Variants in SEMA3D observed in about 807,000 individuals in gnomAD.
The protein encoded by SEMA3D is semaphorin 3D, also known as semaphorin-3D.
SEMA3D carries 84 observed loss-of-function variants against 100.1 expected under a neutral mutation model. That is an observed-to-expected ratio of 0.84 (90% CI 0.70 to 1.01). The LOEUF is 1.01. Ranked by LOEUF, SEMA3D falls within the 50% of genes least tolerant of loss-of-function variation. The probability of loss-of-function intolerance (pLI) is 0.00; values close to 1 mark genes in which losing one functional copy is unlikely to be tolerated. For synonymous variants in SEMA3D, 312 were observed against 320.7 expected (o/e 0.97, Z 0.29); for missense variants, 875 against 934.1 (o/e 0.94, Z 0.82).
chr7:85,011,686 A>G (rs981021658), intron 17 of SEMA3D, among the ~76,000 whole-genome samples: 1 of 151,804 alleles, frequency 6.6e-6, no homozygotes, highest in Non-Finnish European at 1.5e-5. Flanking sequence ...ATCGCACAGT[A>G]ATGATTGCTA....
intron 2 of SEMA3D, chr7:85,144,730 TATG>T (rs1790153448): frequency 1.1e-6 from 1 of 944,342 alleles, no homozygotes; most frequent in Non-Finnish European, 1.3e-6. Flanking sequence ...TTGCCTCTAG[TATG>T]ATATGTCTGA....
At chr7:85,197,943 T>C in the SEMA3D span, among the ~76,000 whole-genome samples, 3 of 152,142 alleles carry the variant, frequency 2.0e-5, no homozygotes, top group Admixed American at 6.5e-5. Flanking sequence ...GCAACAAAAA[T>C]AGATGTAACT....
chr7:85,130,499 A>G lies in SEMA3D; in HGVS notation c.-40-8568T>C, dbSNP rs573845199. Among the ~76,000 whole-genome samples the G allele has an allele frequency of 5.3e-5, 8 of 152,254 alleles. No homozygotes were observed. In the South Asian group the frequency reaches 1.4e-3, roughly 28 times the overall value. ...TTATAGAATAAGTTTGCACATGCTC[A>G]TTGTTGGGGCCTTCTGGCCCAGAAA... On this transcript the variant is annotated intron_variant, in intron 2 of 18. Transcript: ENST00000284136.
rs528682449 is a variant in SEMA3D at position 85,175,049 on chromosome 7, A to G, written c.-173+11629T>C. 3.9e-5 allele frequency among the ~76,000 whole-genome samples: 6 copies of G among 152,320 alleles called. No individual in the cohort carries two copies. In the East Asian group the frequency reaches 5.8e-4, roughly 15 times the overall value. ...TTCATGTACGATTATTGAATGTAAT[A>G]AAGGGTTGCAATTATACAAAAGAAT... On this transcript the variant is annotated intron_variant, in intron 1 of 18. Transcript: ENST00000284136.
At chr7:85,161,456 C>T (rs1790742045) in intron 1 of SEMA3D, among the ~76,000 whole-genome samples, 1 of 151,816 alleles carries the variant, frequency 6.6e-6, no homozygotes, top group Non-Finnish European at 1.5e-5. Context: ...ATTGTTCCTC[C>T]CTCCCCTGCT....
chr7:85,110,083 T>C (rs1332320334), intron 3 of SEMA3D, among the ~76,000 whole-genome samples: 4 of 151,980 alleles, frequency 2.6e-5, no homozygotes, highest in Admixed American at 1.3e-4. Context: ...TAGGAGAACA[T>C]AGATGATCAC....
intron 2 of SEMA3D, among the ~76,000 whole-genome samples, chr7:85,126,020 C>A (rs79849435): frequency 6.6e-6 from 1 of 151,928 alleles, no homozygotes; most frequent in Non-Finnish European, 1.5e-5. Context: ...AGATGTGGAG[C>A]CAATAGGGAG....
intron 12 of SEMA3D, chr7:85,027,972 C>A: frequency 6.9e-6 from 4 of 577,518 alleles, no homozygotes; most frequent in Admixed American, 4.2e-5. Flanking sequence ...GGATACCAAA[C>A]AATTGATTAG....
At chr7:85,166,538 A>G (rs769505678) in intron 1 of SEMA3D, among the ~76,000 whole-genome samples, 5 of 151,972 alleles carry the variant, frequency 3.3e-5, no homozygotes, top group Non-Finnish European at 7.4e-5. Context: ...CTAAGTTGTG[A>G]ACACATATTA....
chr7:85,081,686 G>A, intron 4 of SEMA3D, 107 bp from the exon 5 acceptor site: 1 of 736,566 alleles, frequency 1.4e-6, no homozygotes, highest in Non-Finnish European at 2.3e-6. Flanking sequence ...TGAGTATTAA[G>A]CATGTTGTTA....
chr7:85,189,498 T>C (rs774261586), upstream of SEMA3D, among the ~76,000 whole-genome samples: 11 of 152,164 alleles, frequency 7.2e-5, no homozygotes, highest in Non-Finnish European at 1.2e-4. Flanking sequence ...TACAAAAAGT[T>C]TTGCTAAAAT....
intron 12 of SEMA3D, chr7:85,027,912 A>G (rs1790434931): frequency 1.7e-6 from 1 of 583,240 alleles, no homozygotes; most frequent in Non-Finnish European, 3.4e-6. Flanking sequence ...AGTAGAGATA[A>G]TTGCCAATGA....
At chr7:85,244,953 G>T in the SEMA3D span, among the ~76,000 whole-genome samples, 1 of 152,040 alleles carries the variant, frequency 6.6e-6, no homozygotes, top group Non-Finnish European at 1.5e-5. Context: ...CTTGTGATCT[G>T]CCCACCTTGG....
At chr7:85,164,723 A>T (rs890732385) in intron 1 of SEMA3D, among the ~76,000 whole-genome samples, 1 of 152,100 alleles carries the variant, frequency 6.6e-6, no homozygotes, top group Non-Finnish European at 1.5e-5. Flanking sequence ...CATTTTATAT[A>T]TTACATTAGG....
intron 12 of SEMA3D, among the ~76,000 whole-genome samples, chr7:85,024,021 T>C (rs1347917152): frequency 6.6e-6 from 1 of 151,970 alleles, no homozygotes; most frequent in East Asian, 1.9e-4. Context: ...ACTTAACATA[T>C]TCTTAACTGG....
rs1252059388 is a variant in SEMA3D, at chr7:84,998,254, A to C, written c.*1186T>G. On this transcript the variant is annotated 3_prime_UTR_variant, in exon 19 of 19. Coordinates refer to ENST00000284136, the MANE Select transcript of SEMA3D (RefSeq NM_001384900.1). ...CCTATTCACTCAAATATAATCACAA[A>C]ATCCAATATACAGGAGAGAATAAAG... is the stretch of plus-strand genomic sequence containing the variant. The C allele has an allele frequency of 6.6e-6, 1 of 152,144 alleles. No individual in the cohort carries two copies. The highest frequency in any genetic ancestry group is 1.5e-5 in the Non-Finnish European group (1 of 68,002). The allele number at this position is 152,144 out of a possible 1,614,324, so 9.4% of individuals were successfully genotyped here.
chr7:85,198,550 TG>T, the SEMA3D span, among the ~76,000 whole-genome samples: 5 of 151,922 alleles, frequency 3.3e-5, no homozygotes, highest in Non-Finnish European at 7.4e-5. Context: ...GGGATAAATT[TG>T]GATAAATTAT....
Position 85,004,294 on chromosome 7 carries a change from T to G in SEMA3D, c.1908+2508A>C, listed in dbSNP as rs150811745. Among the ~76,000 whole-genome samples the G allele has an allele frequency of 3.9e-3, 599 of 152,216 alleles. 5 individuals carry two copies. The highest frequency in any genetic ancestry group is 0.014 in the African/African-American group (576 of 41,546). On this transcript the variant is annotated intron_variant, in intron 18 of 18. Coordinates refer to ENST00000284136, the MANE Select transcript of SEMA3D (RefSeq NM_001384900.1). ...TGTGTTACTGTAATTTTAAAATCAT[T>G]TATATTGCTTTTAGAATAAAAAGAA... is the stretch of plus-strand genomic sequence containing the variant.
rs1318920342 is a variant in SEMA3D, at chr7:85,153,739, C to T, written c.-172G>A. ...TACAGTTCTAGTCCAAGTGTAAAGA[C>T]CTGAAAAACAGGAGAGATAATACTG... On this transcript the variant is annotated splice_region_variant and 5_prime_UTR_variant, in exon 2 of 19. Transcript: ENST00000284136. 6.6e-6 allele frequency: 1 copy of T among 152,072 alleles called. No homozygotes were observed. Among genetic ancestry groups the T allele is most frequent in the Non-Finnish European group, 1.5e-5 (1 of 68,022 alleles). The allele number at this position is 152,072 out of a possible 1,614,324, so 9.4% of individuals were successfully genotyped here.
Sources: gnomAD v4.1 joint callset for allele counts (sites outside exome capture counted in the v4.1 genomes callset) on GRCh38, gnomAD v4.1.1 for gene constraint, MANE v1.5 for transcripts, NCBI Gene and HGNC (gene_info 2026-07-23, HGNC 2026-07-21) for gene names.